Variants in PCNT observed in about 807,000 individuals in gnomAD.
PCNT encodes the protein kendrin.
In PCNT, 319 loss-of-function variants were observed where a neutral mutation model predicts 380.4. That is an observed-to-expected ratio of 0.84 (90% confidence interval 0.77 to 0.92). PCNT has a LOEUF of 0.92. Ranked by LOEUF, PCNT falls within the 40% of genes least tolerant of loss-of-function variation. The probability of loss-of-function intolerance (pLI) is 0.00; values close to 1 mark genes in which losing one functional copy is unlikely to be tolerated. For missense variants in PCNT, 4,400 were observed against 4,255.3 expected (o/e 1.03, Z -0.95); for synonymous variants, 1,845 against 1,735.2 (o/e 1.06, Z -1.57).
In PCNT at chr21:46,357,112, T is replaced by C. The variant is rs886057179; in HGVS notation, c.2075T>C (p.Ile692Thr). Reference protein sequence around the residue: ...SLLQTELKEEIELLKIENRNL... With the variant: ...SLLQTELKEETELLKIENRNL... ...CTTCAGACTGAGCTCAAAGAAGAAA[T>C]TGAACTCCTAAAAATAGAAAATAGA... Residue 692 changes from isoleucine to threonine, a missense_variant, in exon 13 of 47, where the codon ATT becomes ACT. Coordinates refer to ENST00000359568, the MANE Select transcript of PCNT (RefSeq NM_006031.6). 1.2e-6 allele frequency: 2 copies of C among 1,613,988 alleles called. No homozygotes were observed. Among genetic ancestry groups the C allele is most frequent in the African/African-American group, 1.3e-5 (1 of 75,032 alleles).
chr21:46,371,206 C>CTTTTT (rs1244184920), intron 15 of PCNT, among the ~76,000 whole-genome samples: 2 of 123,692 alleles, frequency 1.6e-5, no homozygotes, highest in African/African-American at 5.5e-5. Flanking sequence ...GGTTTATTTT[C>CTTTTT]TTTCTTTCTT....
At chr21:46,395,269 A>T (rs1423534584) in intron 21 of PCNT, among the ~76,000 whole-genome samples, 2 of 152,220 alleles carry the variant, frequency 1.3e-5, no homozygotes, top group African/African-American at 2.4e-5. Context: ...AACATGTATG[A>T]ATTTAATATT....
At chr21:46,357,722 C>G (rs370043295) in intron 13 of PCNT, among the ~76,000 whole-genome samples, 13 of 152,338 alleles carry the variant, frequency 8.5e-5, no homozygotes, top group African/African-American at 2.6e-4. Context: ...AGCCACCACG[C>G]CCGGCCCTCT....
At chr21:46,394,454 A>C in intron 21 of PCNT, 3 of 908,738 alleles carry the variant, frequency 3.3e-6, no homozygotes, top group Non-Finnish European at 2.6e-6. Context: ...TCACATTCTC[A>C]GCTGCACGTT....
chr21:46,412,028 C>T lies in PCNT; in HGVS notation c.5955C>T (p.Ser1985=), dbSNP rs2147679862. The T allele has an allele frequency of 6.2e-7, 1 of 1,608,438 alleles. No individual in the cohort carries two copies. The highest frequency in any genetic ancestry group is 8.5e-7 in the Non-Finnish European group (1 of 1,179,836). The part of the protein sequence containing the change: ...KAQVTGDVEA[S]HDAALEPVVP... The stretch of plus-strand genomic sequence containing the variant: ...AGGTCACCGGCGACGTGGAGGCCTC[C>T]CATGATGCTGCTTTGGAGCCGGTTG... The change falls in exon 28 of 47, where the codon TCC becomes TCT. Residue 1985 remains serine (S), a synonymous_variant. Coordinates refer to ENST00000359568, the MANE Select transcript of PCNT (RefSeq NM_006031.6).
chr21:46,403,522 T>C (rs184762010), intron 27 of PCNT, among the ~76,000 whole-genome samples: 1,091 of 40,168 alleles, frequency 0.027, 2 homozygotes, highest in Admixed American at 0.037. Context: ...CCACGCGGCG[T>C]GTGCTCGGTG....
In PCNT at chr21:46,384,651, G is replaced by A. The variant is rs536721793; in HGVS notation, c.3313-1181G>A. 1.9e-4 allele frequency among the ~76,000 whole-genome samples: 28 copies of A among 145,282 alleles called. 6 individuals carry two copies. The East Asian group carries it at 4.9e-3, about 25-fold the overall frequency. ...GTGGTGTGCATTCAGGGGCGGAAGT[G>A]CATTCACGGTATTGTGCATAGTTCA... On this transcript the variant is annotated intron_variant, in intron 16 of 46. Coordinates refer to ENST00000359568, the MANE Select transcript of PCNT (RefSeq NM_006031.6).
chr21:46,328,254 GTT>G (rs34324198), intron 2 of PCNT, among the ~76,000 whole-genome samples: 2 of 123,722 alleles, frequency 1.6e-5, no homozygotes, highest in Non-Finnish European at 1.7e-5. Flanking sequence ...GGGTTGGTGT[GTT>G]TTTTTTTTTT....
At chr21:46,418,861 C>T (rs1343380462) in intron 31 of PCNT, among the ~76,000 whole-genome samples, 2 of 152,220 alleles carry the variant, frequency 1.3e-5, no homozygotes, top group African/African-American at 2.4e-5. Context: ...TGCGTCTCCC[C>T]GGACCTCGTG....
At chr21:46,354,617 G>A (rs748651396) in intron 11 of PCNT, among the ~76,000 whole-genome samples, 5 of 152,120 alleles carry the variant, frequency 3.3e-5, no homozygotes, top group African/African-American at 7.2e-5. Flanking sequence ...GTCGGGCTCC[G>A]GGGGACACAC....
Position 46,431,816 on chromosome 21 carries a change from A to G in PCNT, c.8352A>G (p.Thr2784=), listed in dbSNP as rs753399184. The G allele has an allele frequency of 5.0e-6, 8 of 1,613,674 alleles. No individual in the cohort carries two copies. The East Asian group carries it at 6.7e-5, about 13-fold the overall frequency. The change falls in exon 38 of 47, where the codon ACA becomes ACG. Residue 2784 remains threonine, a synonymous_variant. Transcript: ENST00000359568. ...AGGAGGCTTGCGTGCACCAGGACAC[A>G]CAGGCCCATCACGCTCTGCTGCAGA... ...RTQEACVHQD[T]QAHHALLQKL...
chr21:46,432,244 A>C, intron 38 of PCNT, 29 bp downstream of exon 38: 2 of 1,576,532 alleles, frequency 1.3e-6, no homozygotes, highest in South Asian at 2.3e-5. Flanking sequence ...CGGAGCGTCC[A>C]CACCTAAAAA....
chr21:46,414,074 C>A (rs1413235761), intron 29 of PCNT, among the ~76,000 whole-genome samples: 1 of 151,786 alleles, frequency 6.6e-6, no homozygotes, highest in African/African-American at 2.4e-5. Flanking sequence ...TCACTGCAAC[C>A]TCTGCCTCCC....
rs766156053 is a variant in PCNT at position 46,416,398 on chromosome 21, T to C, written c.6480T>C (p.Thr2160=). Residue 2160 remains threonine (T), a synonymous_variant, in exon 30 of 47, where the codon ACT becomes ACC. Coordinates refer to ENST00000359568, the MANE Select transcript of PCNT (RefSeq NM_006031.6). ...CDANTTPGGV[T]DVIKNWDSLI... is the part of the protein sequence containing the mutation. ...CCAATACAACCCCAGGGGGTGTAACTGATGTTATCAAAAATTGGGATTCCT... is the reference window on the plus strand; with the variant it reads ...CCAATACAACCCCAGGGGGTGTAACCGATGTTATCAAAAATTGGGATTCCT... 1.5e-5 allele frequency: 25 copies of C among 1,614,130 alleles called. No individual in the cohort carries two copies. The highest frequency in any genetic ancestry group is 2.1e-5 in the Non-Finnish European group (25 of 1,180,006).
intron 2 of PCNT, among the ~76,000 whole-genome samples, chr21:46,327,808 A>G (rs2083438990): frequency 6.6e-6 from 1 of 152,200 alleles, no homozygotes; most frequent in Non-Finnish European, 1.5e-5. Flanking sequence ...GGAAGGGGTG[A>G]AGGTGTTGCA....
chr21:46,390,579 G>A (rs1401880205), intron 19 of PCNT, 91 bp from the exon 20 acceptor site: 2 of 1,416,112 alleles, frequency 1.4e-6, no homozygotes, highest in Admixed American at 1.7e-5. Flanking sequence ...GGCCTGAAGG[G>A]TCTGGGGGTA....
intron 30 of PCNT, among the ~76,000 whole-genome samples, chr21:46,417,096 G>A (rs1411990993): frequency 2.6e-5 from 4 of 152,108 alleles, no homozygotes; most frequent in Non-Finnish European, 5.9e-5. Flanking sequence ...TGACTCCAAC[G>A]GGCATAGCCC....
intron 17 of PCNT, among the ~76,000 whole-genome samples, chr21:46,387,485 G>A (rs988191478): frequency 3.3e-5 from 5 of 152,126 alleles, no homozygotes; most frequent in South Asian, 2.1e-4. Flanking sequence ...GGGTGCAGAG[G>A]TGAGCCCACG....
intron 15 of PCNT, among the ~76,000 whole-genome samples, chr21:46,371,561 T>C (rs930537611): frequency 5.9e-5 from 9 of 152,188 alleles, no homozygotes; most frequent in Non-Finnish European, 1.0e-4. Flanking sequence ...GGTACCAAAT[T>C]GTGTCAGAAG....
Sources: gnomAD v4.1 joint callset for allele counts (sites outside exome capture counted in the v4.1 genomes callset) on GRCh38, gnomAD v4.1.1 for gene constraint, MANE v1.5 for transcripts, NCBI Gene and HGNC (gene_info 2026-07-23, HGNC 2026-07-21) for gene names.